Variants in FAM169A observed in about 807,000 individuals in gnomAD.
FAM169A encodes the protein family with sequence similarity 169 member A.
Under a neutral mutation model 75.7 loss-of-function variants are expected in FAM169A, and 24 were observed. The observed-to-expected ratio is 0.32, with a 90% CI of 0.23 to 0.45. FAM169A has a LOEUF of 0.45. FAM169A is among the 20% of genes least tolerant of loss of function. The probability of loss-of-function intolerance (pLI) is 1.00; values close to 1 mark genes in which losing one functional copy is unlikely to be tolerated. For synonymous variants in FAM169A, 271 were observed against 271.0 expected (o/e 1.00, Z 0.00); for missense variants, 673 against 784.0 (o/e 0.86, Z 1.69).
intron 5 of FAM169A, among the ~76,000 whole-genome samples, chr5:74,827,520 T>C (rs934086644): frequency 6.6e-6 from 1 of 152,098 alleles, no homozygotes; most frequent in African/African-American, 2.4e-5. Context: ...ATGTTCTAAG[T>C]ATTGATCCAA....
At position 74,780,741 on chromosome 5, in the gene FAM169A, T is replaced by A. The variant is rs957452898; in HGVS notation, c.*719A>T. ...CAGCAAACTAATACTTCAAATGAAA[T>A]TTTAAATAATTAGTCCCCACATGCC... On this transcript the variant is annotated 3_prime_UTR_variant, in exon 13 of 13. Transcript: ENST00000687041. The A allele has an allele frequency of 6.6e-6, 1 of 152,198 alleles. No homozygotes were observed. The highest frequency in any genetic ancestry group is 2.4e-5 in the African/African-American group (1 of 41,448). 9.4% of individuals were successfully genotyped at this position (152,198 alleles called of 1,614,324 possible). A position where few individuals can be genotyped will look rare whatever the true frequency, so the allele number is the denominator to read the frequency against.
At chr5:74,813,792 G>A in intron 6 of FAM169A, 48 bp downstream of exon 6, 1 of 1,348,952 alleles carries the variant, frequency 7.4e-7, no homozygotes, top group Non-Finnish European at 9.9e-7. Flanking sequence ...AAACAAGTCG[G>A]AAGTGACACA....
chr5:74,819,660 CTG>C (rs1747670309), intron 5 of FAM169A, among the ~76,000 whole-genome samples: 2 of 152,182 alleles, frequency 1.3e-5, no homozygotes, highest in Non-Finnish European at 2.9e-5. Flanking sequence ...CAACCCCAAA[CTG>C]TTATTTATCA....
rs73762963 is a variant in FAM169A at position 74,849,132 on chromosome 5, A to C, written c.-3-7453T>G. On this transcript the variant is annotated intron_variant, in intron 1 of 12. Coordinates refer to ENST00000687041, the MANE Select transcript of FAM169A (RefSeq NM_001376049.1). Reference sequence around the variant, plus strand: ...ATGGTATGCTCATTAATCCAGGGTAAGCTGTATAAAAACATAATACCAAGA... The same window carrying C: ...ATGGTATGCTCATTAATCCAGGGTACGCTGTATAAAAACATAATACCAAGA... Among the ~76,000 whole-genome samples, 356 of 152,308 alleles carry C rather than the reference A, an allele frequency of 2.3e-3. 1 individual carries two copies. The highest frequency in any genetic ancestry group is 8.2e-3 in the African/African-American group (341 of 41,578).
At position 74,780,237 on chromosome 5, in the gene FAM169A, G is replaced by A. The variant is rs1167075695; in HGVS notation, c.*1223C>T. 2 of 152,146 alleles carry A rather than the reference G, an allele frequency of 1.3e-5. No individual in the cohort carries two copies. Among genetic ancestry groups the A allele is most frequent in the African/African-American group, 4.8e-5 (2 of 41,418 alleles). 9.4% of individuals were successfully genotyped at this position (152,146 alleles called of 1,614,324 possible). A position where few individuals can be genotyped will look rare whatever the true frequency, so the allele number is the denominator to read the frequency against. On this transcript the variant is annotated 3_prime_UTR_variant, in exon 13 of 13. Transcript: ENST00000687041. ...AAAGGATGATTGAAGCCTCCAATATGATTGAAGCCCTTGTAACCACAGCTC... is the reference window on the plus strand; with the variant it reads ...AAAGGATGATTGAAGCCTCCAATATAATTGAAGCCCTTGTAACCACAGCTC...
rs542090310 is a variant in FAM169A, at chr5:74,795,946, G to A, written c.1260+84C>T. 1,051 of 1,389,862 alleles carry A rather than the reference G, an allele frequency of 7.6e-4. 5 individuals are homozygous for A. In the Middle Eastern group the frequency reaches 0.012, roughly 15 times the overall value. The allele number at this position is 1,389,862 out of a possible 1,614,324, so 86.1% of individuals were successfully genotyped here. On this transcript the variant is annotated intron_variant, in intron 11 of 12. Coordinates refer to ENST00000687041, the MANE Select transcript of FAM169A (RefSeq NM_001376049.1). ...AATTTCTAACACTCTAAAATATATC[G>A]CTATACTTTTCTAACAACATGTGAT...
At chr5:74,810,494 A>G (rs977956177) in intron 6 of FAM169A, among the ~76,000 whole-genome samples, 1 of 152,064 alleles carries the variant, frequency 6.6e-6, no homozygotes, top group Non-Finnish European at 1.5e-5. Context: ...TCACGCCTGT[A>G]ATCCTACCAC....
chr5:74,799,480 G>A (rs1746449636), intron 10 of FAM169A: 2 of 1,605,348 alleles, frequency 1.2e-6, no homozygotes, highest in African/African-American at 1.3e-5. Context: ...AGGATCATGT[G>A]ACTTCAAACA....
chr5:74,818,770 GCTCTCTCTCTCTCT>G (rs375359690), intron 5 of FAM169A, among the ~76,000 whole-genome samples: 3 of 134,308 alleles, frequency 2.2e-5, no homozygotes, highest in African/African-American at 8.5e-5. Context: ...CGGTTTCACA[GCTCTCTCTCTCTCT>G]CTCTCTCTCT....
At chr5:74,805,369 C>CTG in intron 6 of FAM169A, 85 bp from the exon 7 acceptor site, 1 of 1,291,878 alleles carries the variant, frequency 7.7e-7, no homozygotes, top group Non-Finnish European at 1.1e-6. Context: ...CTTCCCAACT[C>CTG]ACTTAACGGG....
intron 5 of FAM169A, among the ~76,000 whole-genome samples, chr5:74,824,131 G>T (rs1233220907): frequency 6.6e-6 from 1 of 152,082 alleles, no homozygotes; most frequent in Non-Finnish European, 1.5e-5. Context: ...ACACTTCCTG[G>T]TATTGGTCAC....
At chr5:74,784,298 G>GA (rs1046769058) in intron 11 of FAM169A, among the ~76,000 whole-genome samples, 3 of 151,786 alleles carry the variant, frequency 2.0e-5, no homozygotes, top group South Asian at 2.1e-4. Flanking sequence ...TTCAGAGACA[G>GA]AAAAAACAAG....
chr5:74,800,917 T>C lies in FAM169A; in HGVS notation c.1066A>G (p.Lys356Glu). The C allele has an allele frequency of 6.6e-7, 1 of 1,514,638 alleles. No individual in the cohort carries two copies. Among genetic ancestry groups the C allele is most frequent in the Non-Finnish European group, 8.9e-7 (1 of 1,128,130 alleles). The allele number at this position is 1,514,638 out of a possible 1,614,324, so 93.8% of individuals were successfully genotyped here. ...EFSSSQGEDE[K>E]TSQTSLTASI... is the part of the protein sequence containing the mutation. ...GCTGTAAGTGAAGTCTGGGAGGTCT[T>C]TTCATCTTCACCTTGAGAACTGCTA... Residue 356 changes from lysine (K) to glutamate (E), a missense_variant, in exon 10 of 13, where the codon AAG becomes GAG. Physicochemically the swap from Lys to Glu is moderately conservative, Grantham distance 56. Transcript: ENST00000687041.
chr5:74,781,868 A>C lies in FAM169A; in HGVS notation c.1605T>G (p.Asn535Lys), dbSNP rs755152850. The change falls in exon 13 of 13, where the codon AAT becomes AAG. Residue 535 changes from asparagine to lysine, a missense_variant. By Grantham distance (94) the Asn-to-Lys change is moderately conservative. Coordinates refer to ENST00000687041, the MANE Select transcript of FAM169A (RefSeq NM_001376049.1). Reference sequence around the variant, plus strand: ...GAAAACCACCATCAGATCGTTCTTCATTTGACATAGTAGCAACATTGTCTG... The same window carrying C: ...GAAAACCACCATCAGATCGTTCTTCCTTTGACATAGTAGCAACATTGTCTG... ...GSSDNVATMS[N>K]EERSDGGFPN... The C allele has an allele frequency of 6.2e-7, 1 of 1,614,098 alleles. No homozygotes were observed. Among genetic ancestry groups the C allele is most frequent in the East Asian group, 2.2e-5 (1 of 44,886 alleles).
At chr5:74,793,352 A>G (rs1746078237) in intron 11 of FAM169A, among the ~76,000 whole-genome samples, 2 of 151,746 alleles carry the variant, frequency 1.3e-5, no homozygotes, top group Non-Finnish European at 2.9e-5. Flanking sequence ...AGTGGTATAT[A>G]TAGACCATGG....
chr5:74,782,824 G>T, intron 12 of FAM169A, 107 bp downstream of exon 12: 1 of 671,858 alleles, frequency 1.5e-6, no homozygotes, highest in Non-Finnish European at 2.5e-6. Flanking sequence ...TCTTCCTAAA[G>T]CACTGTACAT....
At chr5:74,845,246 C>T (rs772626821) in intron 1 of FAM169A, among the ~76,000 whole-genome samples, 1 of 152,044 alleles carries the variant, frequency 6.6e-6, no homozygotes, top group Admixed American at 6.6e-5. Context: ...ATGCCGGGTG[C>T]GGTGGTTCAC....
chr5:74,801,556 A>C (rs73116717), intron 9 of FAM169A, 34 bp downstream of exon 9: 174,927 of 1,543,004 alleles, frequency 0.11, 11,576 homozygotes, highest in African/African-American at 0.29. Flanking sequence ...GAAGTGTCTC[A>C]AATACTTACT....
In FAM169A at chr5:74,784,510, C is replaced by CAAAAAAAAAAAA. The variant is rs200414695; in HGVS notation, c.1261-1388_1261-1377dup. 4.4e-4 allele frequency among the ~76,000 whole-genome samples: 13 copies of CAAAAAAAAAAAA among 29,862 alleles called. 2 individuals carry two copies. Among genetic ancestry groups the CAAAAAAAAAAAA allele is most frequent in the African/African-American group, 2.7e-3 (13 of 4,894 alleles). 19.6% of individuals were successfully genotyped at this position (29,862 alleles called of 152,430 possible). A position where few individuals can be genotyped will look rare whatever the true frequency, so the allele number is the denominator to read the frequency against. On this transcript the variant is annotated intron_variant, in intron 11 of 12. Coordinates refer to ENST00000687041, the MANE Select transcript of FAM169A (RefSeq NM_001376049.1). ...AGGGAGACAGAGCAAGACTCCGTCTCAAAAAAAAAAAAAAAAAAACAAGAA... is the reference window on the plus strand; with the variant it reads ...AGGGAGACAGAGCAAGACTCCGTCTCAAAAAAAAAAAAAAAAAAAAAAAAAAAAAAACAAGAA...
Sources: allele counts gnomAD v4.1 joint callset (sites outside exome capture counted in the v4.1 genomes callset), GRCh38; gene constraint gnomAD v4.1.1; transcripts MANE v1.5; gene names NCBI Gene and HGNC (gene_info 2026-07-23, HGNC 2026-07-21).